GRK1: variants seen among roughly 807,000 people sequenced by gnomAD.
GRK1 encodes the protein rhodopsin kinase GRK1.
GRK1 carries 28 observed loss-of-function variants against 41.7 expected under a neutral mutation model. The ratio of observed to expected loss-of-function variants is 0.67; its 90% confidence interval spans 0.50 to 0.92. The LOEUF is 0.92. GRK1 is among the 40% of genes least tolerant of loss of function. GRK1 has a pLI of 0.00. For missense variants in GRK1, 703 were observed against 671.2 expected (o/e 1.05, Z -0.52); for synonymous variants, 327 against 286.7 (o/e 1.14, Z -1.42).
upstream of GRK1, among the ~76,000 whole-genome samples, chr13:113,666,139 G>T (rs1294489648): frequency 1.4e-5 from 2 of 141,174 alleles, no homozygotes; most frequent in African/African-American, 6.2e-5. Context: ...TGCCCCCGGT[G>T]TGTCTCAGGT....
chr13:113,733,207 C>T (rs1475442340), intron 6 of GRK1, 122 bp downstream of exon 6: 12 of 930,924 alleles, frequency 1.3e-5, no homozygotes, highest in Non-Finnish European at 1.9e-5. Context: ...CCAAGGCTCT[C>T]CCTCTGCCCC....
chr13:113,664,662 G>A (rs774357713), upstream of GRK1, among the ~76,000 whole-genome samples: 4 of 152,130 alleles, frequency 2.6e-5, no homozygotes, highest in Non-Finnish European at 5.9e-5. This position sits in a 1 kb window ranked among gnomAD's most constrained non-coding sequence, Gnocchi z 5.4. Context: ...CAGACCCTAC[G>A]CCTCCACAGC....
At chr13:113,654,469 C>G in the GRK1 span, among the ~76,000 whole-genome samples, 1 of 152,328 alleles carries the variant, frequency 6.6e-6, no homozygotes, top group Non-Finnish European at 1.5e-5. Context: ...CATATCCAAG[C>G]ACAGGAAGTA....
In GRK1 at chr13:113,733,065, A is replaced by C; in HGVS notation, c.1376A>C (p.Asn459Thr). 2 of 1,536,708 alleles carry C rather than the reference A, an allele frequency of 1.3e-6. No individual in the cohort carries two copies. The highest frequency in any genetic ancestry group is 1.2e-5 in the South Asian group (1 of 84,042). ...GCCCACCCCCTCTTCAAGGACCTTA[A>C]CTGGAGGCAGCTGGAGGCTGGTACT... ...LRAHPLFKDL[N>T]WRQLEAGMLM... The change falls in exon 6 of 7, where the codon AAC (asparagine) becomes ACC (threonine). Residue 459 changes from asparagine to threonine, a missense_variant. Physicochemically the swap from Asn to Thr is moderately conservative, Grantham distance 65. Transcript: ENST00000335678.
chr13:113,731,266 GT>G lies in GRK1; in HGVS notation c.1118del (p.Val373GlyfsTer13). 2 of 1,537,090 alleles carry G rather than the reference GT, an allele frequency of 1.3e-6. No homozygotes were observed. Among genetic ancestry groups the G allele is most frequent in the Non-Finnish European group, 1.7e-6 (2 of 1,146,832 alleles). On this transcript the variant is annotated frameshift_variant, in exon 5 of 7. Coordinates refer to ENST00000335678, the MANE Select transcript of GRK1 (RefSeq NM_002929.3). LOFTEE classifies it high-confidence loss of function. This position sits in a 1 kb window ranked among gnomAD's most constrained non-coding sequence, Gnocchi z 5.6. ...LLQGEEYDFS[V>X]DYFALGVTLY... is the part of the protein sequence containing the mutation. ...GCAGGGCGAGGAGTACGACTTCTCC[GT>G]GGACTACTTTGCCCTGGGGGTCACC...
upstream of GRK1, among the ~76,000 whole-genome samples, chr13:113,664,690 G>A (rs1255814480): frequency 6.6e-6 from 1 of 152,216 alleles, no homozygotes. This position sits in a 1 kb window ranked among gnomAD's most constrained non-coding sequence, Gnocchi z 5.4. Context: ...CCACCTGTGA[G>A]CTTGTTACAG....
intron 1 of GRK1, among the ~76,000 whole-genome samples, chr13:113,669,349 A>C (rs1250793487): frequency 2.0e-5 from 3 of 152,122 alleles, no homozygotes; most frequent in Admixed American, 1.3e-4. Flanking sequence ...GACAGGAGGG[A>C]GGGCTGTGGC....
At chr13:113,723,561 GT>G (rs1476822851) in intron 4 of GRK1, among the ~76,000 whole-genome samples, 2 of 152,072 alleles carry the variant, frequency 1.3e-5, no homozygotes, top group Non-Finnish European at 2.9e-5. Context: ...GAGACAAATG[GT>G]TACATTCTTT....
At chr13:113,725,282 G>A (rs558898639) in intron 4 of GRK1, among the ~76,000 whole-genome samples, 1 of 151,560 alleles carries the variant, frequency 6.6e-6, no homozygotes, top group Admixed American at 6.6e-5. Flanking sequence ...ACAGGGCGGG[G>A]CCGGTCATGC....
the GRK1 span, among the ~76,000 whole-genome samples, chr13:113,655,772 G>A: frequency 2.6e-5 from 4 of 152,310 alleles, no homozygotes; most frequent in African/African-American, 7.2e-5. Context: ...CCTCCTCTCC[G>A]CTGATGTGGC....
upstream of GRK1, among the ~76,000 whole-genome samples, chr13:113,662,909 G>C (rs1271880837): frequency 2.0e-5 from 3 of 152,158 alleles, no homozygotes; most frequent in Admixed American, 2.0e-4. Context: ...TCAAAATCCA[G>C]ACACAATGTT....
intron 6 of GRK1, among the ~76,000 whole-genome samples, chr13:113,733,954 G>T (rs1214890301): frequency 6.8e-6 from 1 of 147,378 alleles, no homozygotes; most frequent in African/African-American, 2.6e-5. Flanking sequence ...GCGTGTGTGT[G>T]CATACGTGTG....
the GRK1 span, chr13:113,657,952 C>T: frequency 8.3e-7 from 1 of 1,209,546 alleles, no homozygotes; most frequent in Non-Finnish European, 1.2e-6. Flanking sequence ...CCTCTGCTCC[C>T]CTCCTCCTGA....
Position 113,671,428 on chromosome 13 carries a change from C to A in GRK1, c.828-71C>A, listed in dbSNP as rs1487068274. 1 of 766,664 alleles carries A rather than the reference C, an allele frequency of 1.3e-6. No homozygotes were observed. Among genetic ancestry groups the A allele is most frequent in the African/African-American group, 1.7e-5 (1 of 59,142 alleles). 47.5% of individuals were successfully genotyped at this position (766,664 alleles called of 1,614,324 possible). On this transcript the variant is annotated intron_variant, in intron 2 of 6. Coordinates refer to ENST00000335678, the MANE Select transcript of GRK1 (RefSeq NM_002929.3). This position sits in a 1 kb window ranked among gnomAD's most constrained non-coding sequence, Gnocchi z 4.1. ...GCCGAGAGACATGGTTCTGAGGCCC[C>A]AGCTCTGTCTTTCCATGATTTTACT...
In GRK1 at chr13:113,667,958, T is replaced by C. The variant is rs954331779; in HGVS notation, c.572T>C (p.Leu191Pro). Residue 191 changes from leucine to proline, a missense_variant, in exon 1 of 7, where the codon CTG becomes CCG. By Grantham distance (98) the Leu-to-Pro change is moderately conservative. Transcript: ENST00000335678. The surrounding 1 kb of genome is among the most constrained non-coding windows in gnomAD (Gnocchi z 7.5). ...CAGCCCATGGGGGAGGACTGGTTCC[T>C]GGACTTCAGGGTCCTAGGGAAAGGG... Reference protein sequence around the residue: ...EAQPMGEDWFLDFRVLGKGGF... With the variant: ...EAQPMGEDWFPDFRVLGKGGF... 1 of 1,610,476 alleles carries C rather than the reference T, an allele frequency of 6.2e-7. No individual in the cohort carries two copies. The highest frequency in any genetic ancestry group is 1.1e-5 in the South Asian group (1 of 90,460).
intron 4 of GRK1, among the ~76,000 whole-genome samples, chr13:113,729,967 CT>C (rs1430166586): frequency 6.7e-6 from 1 of 150,224 alleles, no homozygotes. Context: ...AAACCCGCCC[CT>C]CCATCTGGAG....
At chr13:113,658,036 A>G in the GRK1 span, 2 of 1,599,324 alleles carry the variant, frequency 1.3e-6, no homozygotes, top group Non-Finnish European at 1.7e-6. Flanking sequence ...CACGTACCCC[A>G]CCGGGACAGG....
chr13:113,729,873 AC>A (rs1210358679), intron 4 of GRK1, among the ~76,000 whole-genome samples: 1 of 143,980 alleles, frequency 6.9e-6, no homozygotes, highest in African/African-American at 2.7e-5. Context: ...ATGCGCCCAG[AC>A]CCGTCCCTCC....
Position 113,732,892 on chromosome 13 carries a change from C to T in GRK1, c.1203C>T (p.Asn401=). 2.6e-6 allele frequency: 4 copies of T among 1,536,510 alleles called. No individual in the cohort carries two copies. The highest frequency in any genetic ancestry group is 3.5e-6 in the Non-Finnish European group (4 of 1,146,878). Residue 401 remains asparagine (N), a synonymous_variant, in exon 6 of 7, where the codon AAC becomes AAT. Transcript: ENST00000335678. ...PFRARGEKVE[N]KELKHRIISE... ...TACGCGTGTCCCCACAGGTGGAGAACAAGGAGCTGAAGCACCGGATCATCT... is the reference window on the plus strand; with the variant it reads ...TACGCGTGTCCCCACAGGTGGAGAATAAGGAGCTGAAGCACCGGATCATCT...
Sources: gnomAD v4.1 joint callset for allele counts (sites outside exome capture counted in the v4.1 genomes callset) on GRCh38, gnomAD v4.1.1 for gene constraint, Gnocchi (gnomAD v3.1) non-coding constraint, MANE v1.5 for transcripts, NCBI Gene and HGNC (gene_info 2026-07-23, HGNC 2026-07-21) for gene names.